HMCN1: variants seen among roughly 807,000 people sequenced by gnomAD.
HMCN1 encodes the protein hemicentin-1.
Under a neutral mutation model 625.9 loss-of-function variants are expected in HMCN1, and 321 were observed. That is an observed-to-expected ratio of 0.51 (90% CI 0.47 to 0.56). HMCN1 has a LOEUF of 0.56. Among genes scored for constraint, HMCN1 ranks in the 20% least tolerant of loss-of-function variants. The pLI, the probability that HMCN1 is intolerant of heterozygous loss-of-function variation, is 0.00. For missense variants in HMCN1, 6,588 were observed against 6,887.3 expected (o/e 0.96, Z 1.54); for synonymous variants, 2,425 against 2,417.6 (o/e 1.00, Z -0.09).
chr1:185,855,971 G>C (rs551864151), intron 2 of HMCN1, among the ~76,000 whole-genome samples: 4 of 152,288 alleles, frequency 2.6e-5, no homozygotes, highest in Non-Finnish European at 5.9e-5. Context: ...GCAATATTCT[G>C]ATTGTCTCTC....
intron 4 of HMCN1, among the ~76,000 whole-genome samples, chr1:185,894,980 C>T (rs1188553242): frequency 6.6e-6 from 1 of 151,928 alleles, no homozygotes; most frequent in African/African-American, 2.4e-5. Context: ...TTTATTTAGT[C>T]TCTAGAGTTA....
chr1:185,783,945 G>T (rs991090972), intron 1 of HMCN1, among the ~76,000 whole-genome samples: 1 of 152,330 alleles, frequency 6.6e-6, no homozygotes, highest in East Asian at 1.9e-4. Flanking sequence ...GCCCCCAGAG[G>T]TAGAGTCTAC....
chr1:186,095,430 C>G lies in HMCN1; in HGVS notation c.10482C>G (p.Leu3494=), dbSNP rs1203810209. The G allele has an allele frequency of 4.3e-6, 7 of 1,613,574 alleles. No homozygotes were observed. Among genetic ancestry groups the G allele is most frequent in the African/African-American group, 1.3e-5 (1 of 74,894 alleles). ...CCCATGGAATGGTCCTGCAGCTCCT[C>G]AAAGCAGAGACTGAAGATTCGGGAA... is the stretch of plus-strand genomic sequence containing the variant. ...VSTHGMVLQL[L]KAETEDSGKY... is the part of the protein sequence containing the mutation. The change falls in exon 68 of 107, where the codon CTC becomes CTG. Residue 3494 remains leucine (L), a synonymous_variant. Coordinates refer to ENST00000271588, the MANE Select transcript of HMCN1 (RefSeq NM_031935.3).
chr1:186,076,574 A>G lies in HMCN1; in HGVS notation c.8437A>G (p.Lys2813Glu). 4 of 1,613,852 alleles carry G rather than the reference A, an allele frequency of 2.5e-6. No homozygotes were observed. Among genetic ancestry groups the G allele is most frequent in the Non-Finnish European group, 3.4e-6 (4 of 1,179,804 alleles). The change falls in exon 54 of 107, where the codon AAA becomes GAA. Residue 2813 changes from lysine to glutamate, a missense_variant. By Grantham distance (56) the Lys-to-Glu change is moderately conservative. Transcript: ENST00000271588. ...AAPPPTLTWY[K>E]DGHPLTSSDK... ...TCCCCCTCCTACACTGACATGGTAC[A>G]AAGATGGCCACCCTCTGACCTCAAG...
At chr1:185,864,422 A>T (rs749692389) in intron 2 of HMCN1, 48 bp from the exon 3 acceptor site, 31 of 1,591,598 alleles carry the variant, frequency 1.9e-5, no homozygotes, top group Non-Finnish European at 2.6e-5. Flanking sequence ...CAAAATATTC[A>T]ATTGTTTTTG....
At chr1:185,895,799 T>C (rs1278630960) in intron 4 of HMCN1, among the ~76,000 whole-genome samples, 1 of 152,214 alleles carries the variant, frequency 6.6e-6, no homozygotes. Flanking sequence ...TCTTACATTG[T>C]CATTGGGTAA....
At chr1:186,062,752 T>C (rs1657795640) in intron 48 of HMCN1, 152 bp downstream of exon 48, 2 of 684,438 alleles carry the variant, frequency 2.9e-6, no homozygotes, top group South Asian at 1.6e-5. Context: ...GTCTCAGTGA[T>C]GGTAAACATT....
intron 11 of HMCN1, among the ~76,000 whole-genome samples, chr1:185,944,871 C>T (rs1239080925): frequency 3.3e-5 from 5 of 152,118 alleles, no homozygotes; most frequent in African/African-American, 4.8e-5. Context: ...AGTGTTTAGG[C>T]GTAAGAACTT....
In HMCN1 at chr1:185,797,961, G is replaced by A. The variant is rs1173682957; in HGVS notation, c.269-48065G>A. Among the ~76,000 whole-genome samples, 9 of 55,904 alleles carry A rather than the reference G, an allele frequency of 1.6e-4. 1 individual carries two copies. Among genetic ancestry groups the A allele is most frequent in the South Asian group, 1.6e-3 (2 of 1,268 alleles). The allele number at this position is 55,904 out of a possible 152,430, so 36.7% of individuals were successfully genotyped here. On this transcript the variant is annotated intron_variant, in intron 1 of 106. Coordinates refer to ENST00000271588, the MANE Select transcript of HMCN1 (RefSeq NM_031935.3). ...AGCCTGGGCGACAGAGCGAGACTCC[G>A]TCTCAAAAAAAAAAAAAAAAAAAAA...
At chr1:185,990,190 A>G in intron 21 of HMCN1, 85 bp from the exon 22 acceptor site, 2 of 1,136,182 alleles carry the variant, frequency 1.8e-6, no homozygotes, top group Non-Finnish European at 2.7e-6. Context: ...ACTTAAGAAC[A>G]TTAGTAGTCC....
At chr1:185,905,708 G>C (rs1213039524) in intron 4 of HMCN1, among the ~76,000 whole-genome samples, 1 of 151,820 alleles carries the variant, frequency 6.6e-6, no homozygotes, top group Non-Finnish European at 1.5e-5. Context: ...GAGTTGAGTA[G>C]ATATATGGAC....
At chr1:185,779,181 T>G (rs2102167419) in intron 1 of HMCN1, among the ~76,000 whole-genome samples, 1 of 152,362 alleles carries the variant, frequency 6.6e-6, no homozygotes, top group African/African-American at 2.4e-5. Flanking sequence ...TCGCCCACTT[T>G]TTGGTGGGGT....
intron 15 of HMCN1, among the ~76,000 whole-genome samples, chr1:185,970,785 A>C (rs1029612405): frequency 1.2e-4 from 18 of 151,940 alleles, no homozygotes; most frequent in Middle Eastern, 3.4e-3. Context: ...CAGCCTCCTG[A>C]GTAGCTGGGA....
intron 1 of HMCN1, among the ~76,000 whole-genome samples, chr1:185,801,910 T>A (rs988135551): frequency 6.6e-6 from 1 of 152,174 alleles, no homozygotes; most frequent in Admixed American, 6.6e-5. Flanking sequence ...AAGGATTTAA[T>A]TGGTAGATTA....
intron 29 of HMCN1, among the ~76,000 whole-genome samples, chr1:186,005,174 TATAA>T (rs1289669240): frequency 6.7e-6 from 1 of 149,018 alleles, no homozygotes; most frequent in Non-Finnish European, 1.5e-5. Context: ...TTTAATTGTT[TATAA>T]ATGTTTATAA....
chr1:185,764,712 G>A (rs1312280024), intron 1 of HMCN1, among the ~76,000 whole-genome samples: 1 of 152,064 alleles, frequency 6.6e-6, no homozygotes, highest in East Asian at 1.9e-4. Context: ...AACCTCCAGT[G>A]ATCTTAACAT....
At chr1:186,069,476 G>A (rs1174212313) in intron 50 of HMCN1, among the ~76,000 whole-genome samples, 187 bp from the exon 51 acceptor site, 2 of 152,190 alleles carry the variant, frequency 1.3e-5, no homozygotes, top group Non-Finnish European at 2.9e-5. Context: ...TGGGGACTCA[G>A]CAGCTGTCCT....
At chr1:186,018,061 A>G in intron 33 of HMCN1, 122 bp from the exon 34 acceptor site, 4 of 907,774 alleles carry the variant, frequency 4.4e-6, no homozygotes, top group Non-Finnish European at 7.0e-6. Flanking sequence ...TTCATTTACA[A>G]TTTATTTTAC....
At chr1:185,824,769 T>G (rs1660406377) in intron 1 of HMCN1, among the ~76,000 whole-genome samples, 1 of 152,202 alleles carries the variant, frequency 6.6e-6, no homozygotes. Flanking sequence ...CTTGCCATAG[T>G]AACTAGCAAA....
Sources: gnomAD v4.1 joint callset for allele counts (sites outside exome capture counted in the v4.1 genomes callset) on GRCh38, gnomAD v4.1.1 for gene constraint, MANE v1.5 for transcripts, NCBI Gene and HGNC (gene_info 2026-07-23, HGNC 2026-07-21) for gene names.